Variants in RBMS3 observed in about 807,000 individuals in gnomAD.
The protein encoded by RBMS3 is RNA-binding motif, single-stranded-interacting protein 3.
RBMS3 carries 27 observed loss-of-function variants against 66.8 expected under a neutral mutation model. The ratio of observed to expected loss-of-function variants is 0.40; its 90% CI spans 0.30 to 0.56. The LOEUF (loss-of-function observed/expected upper bound fraction) is 0.56. Ranked by LOEUF, RBMS3 falls within the 20% of genes least tolerant of loss-of-function variation. The probability of loss-of-function intolerance (pLI) is 0.40; values close to 1 mark genes in which losing one functional copy is unlikely to be tolerated. For missense variants in RBMS3, 513 were observed against 549.5 expected (o/e 0.93, Z 0.66); for synonymous variants, 188 against 183.0 (o/e 1.03, Z -0.22).
At chr3:29,933,917 C>A (rs1360473489) in intron 10 of RBMS3, 1 of 152,110 alleles carries the variant, frequency 6.6e-6, no homozygotes, top group Non-Finnish European at 1.5e-5. Context: ...CCAGACAATT[C>A]TTCCAAAATT....
intron 10 of RBMS3, among the ~76,000 whole-genome samples, chr3:29,928,077 C>A (rs533193810): frequency 3.3e-4 from 50 of 151,276 alleles, no homozygotes; most frequent in Non-Finnish European, 7.1e-4. Context: ...ACTAACGCAG[C>A]TCTAGGTTGC....
At chr3:29,743,066 T>C (rs1236979726) in intron 5 of RBMS3, among the ~76,000 whole-genome samples, 1 of 152,312 alleles carries the variant, frequency 6.6e-6, no homozygotes, top group Non-Finnish European at 1.5e-5. Context: ...ATTTTAAATT[T>C]TGAGGAGCAG....
chr3:30,001,842 T>A (rs1699631021), intron 14 of RBMS3, among the ~76,000 whole-genome samples: 1 of 151,922 alleles, frequency 6.6e-6, no homozygotes, highest in Non-Finnish European at 1.5e-5. Context: ...CAACTTAAAA[T>A]GTTCTTGTTG....
intron 3 of RBMS3, among the ~76,000 whole-genome samples, chr3:29,517,256 G>A (rs2044662900): frequency 6.7e-6 from 1 of 150,006 alleles, no homozygotes; most frequent in South Asian, 2.1e-4. Flanking sequence ...CTGTGTATGT[G>A]AGGTGATTTC....
intron 1 of RBMS3, among the ~76,000 whole-genome samples, chr3:29,419,308 A>G (rs1346851235): frequency 6.6e-6 from 1 of 152,198 alleles, no homozygotes; most frequent in African/African-American, 2.4e-5. Flanking sequence ...TTCAAGGAGT[A>G]ATTGTCACTG....
chr3:29,460,925 C>T (rs1251537790), intron 2 of RBMS3, among the ~76,000 whole-genome samples: 1 of 152,060 alleles, frequency 6.6e-6, no homozygotes, highest in Non-Finnish European at 1.5e-5. Flanking sequence ...ATATATCTTC[C>T]CTAAACTGCC....
chr3:29,786,834 A>T (rs773681301), intron 6 of RBMS3, among the ~76,000 whole-genome samples: 20 of 152,186 alleles, frequency 1.3e-4, no homozygotes, highest in Non-Finnish European at 2.1e-4. Flanking sequence ...AATAAAAATA[A>T]ATAGATGGGA....
In RBMS3 at chr3:29,445,095, A is replaced by G. The variant is rs9830575; in HGVS notation, c.248+10180A>G. 7.1e-3 allele frequency among the ~76,000 whole-genome samples: 1,085 copies of G among 151,966 alleles called. 17 individuals are homozygous for G. Among genetic ancestry groups the G allele is most frequent in the African/African-American group, 0.024 (1,010 of 41,522 alleles). On this transcript the variant is annotated intron_variant, in intron 2 of 14. Coordinates refer to ENST00000383767, the MANE Select transcript of RBMS3 (RefSeq NM_001003793.3). ...TACACTTCCAGATTTTTAAGTGGTA[A>G]CTGATAAATATTTAATGACAGAATG...
intron 3 of RBMS3, among the ~76,000 whole-genome samples, chr3:29,543,087 A>G (rs550739008): frequency 6.6e-6 from 1 of 152,310 alleles, no homozygotes; most frequent in African/African-American, 2.4e-5. Flanking sequence ...AGAGACCACC[A>G]CATATGGGGA....
chr3:29,659,593 A>G (rs767934127), intron 4 of RBMS3, among the ~76,000 whole-genome samples: 4 of 152,348 alleles, frequency 2.6e-5, no homozygotes, highest in African/African-American at 4.8e-5. Context: ...ATTACAGTAT[A>G]TGTATATACT....
intron 4 of RBMS3, among the ~76,000 whole-genome samples, chr3:29,727,511 T>C (rs2053936907): frequency 6.6e-6 from 1 of 151,726 alleles, no homozygotes; most frequent in Non-Finnish European, 1.5e-5. Flanking sequence ...AACTTAAATT[T>C]ACAAGAAAAA....
chr3:29,999,162 A>G (rs1158891974), intron 14 of RBMS3, among the ~76,000 whole-genome samples: 1 of 152,244 alleles, frequency 6.6e-6, no homozygotes, highest in Non-Finnish European at 1.5e-5. Flanking sequence ...ACATGAAAAA[A>G]TGCTCATCAT....
chr3:29,405,466 A>G (rs1215688347), intron 1 of RBMS3, among the ~76,000 whole-genome samples: 1 of 150,940 alleles, frequency 6.6e-6, no homozygotes, highest in Non-Finnish European at 1.5e-5. Context: ...TTGCCTGTAT[A>G]TTATTGTTTT....
chr3:29,578,787 C>CTTTTTTTTT (rs2047215086), intron 3 of RBMS3, among the ~76,000 whole-genome samples: 1 of 119,272 alleles, frequency 8.4e-6, no homozygotes, highest in African/African-American at 3.8e-5. Context: ...GTAATACATG[C>CTTTTTTTTT]TTCTTTTTTT....
chr3:29,371,750 C>G (rs2038214915), intron 1 of RBMS3, among the ~76,000 whole-genome samples: 1 of 151,978 alleles, frequency 6.6e-6, no homozygotes, highest in Admixed American at 6.6e-5. Context: ...CAAGAAAGGT[C>G]CAGAGTAAAG....
At chr3:29,624,607 A>G (rs1300569196) in intron 4 of RBMS3, among the ~76,000 whole-genome samples, 1 of 152,186 alleles carries the variant, frequency 6.6e-6, no homozygotes, top group South Asian at 2.1e-4. Context: ...AAGAGAAAAG[A>G]GCAATATAAG....
intron 2 of RBMS3, among the ~76,000 whole-genome samples, chr3:29,475,707 T>C (rs1001870769): frequency 6.6e-6 from 1 of 152,116 alleles, no homozygotes; most frequent in African/African-American, 2.4e-5. Context: ...TCCTAAAGGA[T>C]TATGGGATGT....
chr3:29,365,729 G>A (rs912986092), intron 1 of RBMS3, among the ~76,000 whole-genome samples: 21 of 152,200 alleles, frequency 1.4e-4, no homozygotes, highest in African/African-American at 3.6e-4. Context: ...CACTTCTGCC[G>A]TTAGGTACAT....
intron 4 of RBMS3, among the ~76,000 whole-genome samples, chr3:29,603,343 T>A (rs1576340212): frequency 6.6e-6 from 1 of 152,006 alleles, no homozygotes; most frequent in African/African-American, 2.4e-5. Context: ...GAGCTCTTTC[T>A]TTTTAATTGA....
Sources: allele counts gnomAD v4.1 joint callset (sites outside exome capture counted in the v4.1 genomes callset), GRCh38; gene constraint gnomAD v4.1.1; transcripts MANE v1.5; gene names NCBI Gene and HGNC (gene_info 2026-07-23, HGNC 2026-07-21).